Variants in HIVEP2 observed in about 807,000 individuals in gnomAD.
The protein encoded by HIVEP2 is transcription factor HIVEP2.
Under a neutral mutation model 180.7 loss-of-function variants are expected in HIVEP2, and 14 were observed. The observed-to-expected ratio is 0.08, with a 90% CI of 0.05 to 0.12. The LOEUF (loss-of-function observed/expected upper bound fraction) is 0.12, where lower values mean the gene tolerates loss of function less well. Ranked by LOEUF, HIVEP2 falls within the 10% of genes least tolerant of loss-of-function variation. HIVEP2 has a pLI of 1.00. For missense variants in HIVEP2, 2,579 were observed against 3,008.5 expected, an observed-to-expected ratio of 0.86 and a Z score of 3.34; for synonymous variants, 1,184 against 1,136.4, an observed-to-expected ratio of 1.04 and a Z score of -0.84.
intron 1 of HIVEP2, among the ~76,000 whole-genome samples, chr6:142,944,435 ACACACACACACG>A (rs2128442486): frequency 7.0e-6 from 1 of 143,152 alleles, no homozygotes; most frequent in East Asian, 2.2e-4. Flanking sequence ...ACCCACACAC[ACACACACACACG>A]CACACACCCA....
chr6:142,873,291 A>T (rs1047598029), intron 1 of HIVEP2, among the ~76,000 whole-genome samples: 23 of 152,192 alleles, frequency 1.5e-4, no homozygotes, highest in Middle Eastern at 3.2e-3. Flanking sequence ...TCCAAACAAG[A>T]CATTTAAAGA....
At chr6:142,797,090 G>A (rs1582868320) in intron 2 of HIVEP2, among the ~76,000 whole-genome samples, 1 of 152,030 alleles carries the variant, frequency 6.6e-6, no homozygotes, top group East Asian at 1.9e-4. Context: ...TTTCATGGTA[G>A]TAAATGACAA....
chr6:142,827,601 G>A (rs1774946804), intron 2 of HIVEP2, among the ~76,000 whole-genome samples: 1 of 152,222 alleles, frequency 6.6e-6, no homozygotes, highest in South Asian at 2.1e-4. Flanking sequence ...GCCAAGGAGA[G>A]CCCGAGGACT....
At chr6:142,804,688 A>G (rs981165557) in intron 2 of HIVEP2, among the ~76,000 whole-genome samples, 8 of 152,182 alleles carry the variant, frequency 5.3e-5, no homozygotes, top group African/African-American at 1.9e-4. Context: ...TCTCTGACAC[A>G]TGTTGGGGTG....
chr6:142,784,212 A>C, intron 2 of HIVEP2, among the ~76,000 whole-genome samples: 1 of 152,224 alleles, frequency 6.6e-6, no homozygotes, highest in Admixed American at 6.5e-5. Flanking sequence ...ATCTGAATAG[A>C]TTAATCAACA....
chr6:142,796,964 AAT>A (rs1562523138), intron 2 of HIVEP2, among the ~76,000 whole-genome samples: 1 of 152,178 alleles, frequency 6.6e-6, no homozygotes, highest in Admixed American at 6.6e-5. Flanking sequence ...ATGCAGATTT[AAT>A]ACTGCATCTT....
intron 1 of HIVEP2, among the ~76,000 whole-genome samples, chr6:142,884,251 T>C (rs369331312): frequency 3.9e-5 from 6 of 152,190 alleles, no homozygotes; most frequent in Admixed American, 1.3e-4. Flanking sequence ...AGAAATTAAT[T>C]ACAGTGACAA....
At position 142,775,084 on chromosome 6, in the gene HIVEP2, T is replaced by C; in HGVS notation, c.-346A>G. 9.7e-7 allele frequency: 1 copy of C among 1,028,118 alleles called. No individual in the cohort carries two copies. The highest frequency in any genetic ancestry group is 1.2e-6 in the Non-Finnish European group (1 of 858,138). 63.7% of individuals were successfully genotyped at this position (1,028,118 alleles called of 1,614,324 possible). ...TCTAGGAGAAATTTTGCCCATCAAC[T>C]AGAGCAAAGTTCAATTGCCAGTTTC... is the stretch of plus-strand genomic sequence containing the variant. On this transcript the variant is annotated 5_prime_UTR_variant, in exon 5 of 10. Coordinates refer to ENST00000367603, the MANE Select transcript of HIVEP2 (RefSeq NM_006734.4).
chr6:142,793,656 CT>C (rs1554279275), intron 2 of HIVEP2, among the ~76,000 whole-genome samples: 6 of 77,350 alleles, frequency 7.8e-5, no homozygotes, highest in African/African-American at 2.2e-4. Flanking sequence ...TTCTTTCTTT[CT>C]TTTTTCTTTC....
chr6:142,780,900 A>C (rs1024324256), intron 3 of HIVEP2, among the ~76,000 whole-genome samples: 2 of 152,212 alleles, frequency 1.3e-5, no homozygotes, highest in African/African-American at 4.8e-5. Context: ...AATGGCATAA[A>C]TTCTTGAGCT....
intron 2 of HIVEP2, among the ~76,000 whole-genome samples, chr6:142,817,243 T>C (rs753629880): frequency 6.6e-6 from 1 of 152,220 alleles, no homozygotes; most frequent in Non-Finnish European, 1.5e-5. Context: ...CTGAAAGCTC[T>C]GGCTAAAATA....
chr6:142,825,178 C>G (rs1199512862), intron 2 of HIVEP2, among the ~76,000 whole-genome samples: 4 of 152,142 alleles, frequency 2.6e-5, no homozygotes, highest in African/African-American at 9.7e-5. Context: ...CTGACTCCCA[C>G]AGTAATCCAT....
Position 142,809,887 on chromosome 6 carries a change from C to T in HIVEP2, c.-527-26272G>A, listed in dbSNP as rs142716128. Among the ~76,000 whole-genome samples the T allele has an allele frequency of 1.3e-3, 195 of 152,276 alleles. 1 individual carries two copies. The highest frequency in any genetic ancestry group is 4.2e-3 in the African/African-American group (175 of 41,532). ...GAGATTACAGGCATGAGCCACTGTGCCCGGCCCAATATTCTAATTTTTAAA... is the reference window on the plus strand; with the variant it reads ...GAGATTACAGGCATGAGCCACTGTGTCCGGCCCAATATTCTAATTTTTAAA... On this transcript the variant is annotated intron_variant, in intron 2 of 9. Transcript: ENST00000367603.
At chr6:142,834,193 A>C (rs989623813) in intron 2 of HIVEP2, among the ~76,000 whole-genome samples, 4 of 152,212 alleles carry the variant, frequency 2.6e-5, no homozygotes, top group Non-Finnish European at 5.9e-5. Flanking sequence ...GGTATAAGTA[A>C]TAATAAGAAA....
chr6:142,789,997 T>C (rs1384188719), intron 2 of HIVEP2, among the ~76,000 whole-genome samples: 1 of 152,192 alleles, frequency 6.6e-6, no homozygotes, highest in Non-Finnish European at 1.5e-5. Context: ...CATTATTTAG[T>C]ATCCAAAGCA....
At chr6:142,889,802 C>T (rs1582944196) in intron 1 of HIVEP2, among the ~76,000 whole-genome samples, 1 of 152,234 alleles carries the variant, frequency 6.6e-6, no homozygotes, top group East Asian at 1.9e-4. Flanking sequence ...TATTTTGGTG[C>T]TGTCCACTAG....
chr6:142,762,704 G>C (rs1300411216), intron 7 of HIVEP2, among the ~76,000 whole-genome samples: 1 of 152,138 alleles, frequency 6.6e-6, no homozygotes, highest in Non-Finnish European at 1.5e-5. Flanking sequence ...TATTCCTCTG[G>C]TAGGGGTGTT....
At chr6:142,852,149 TA>T (rs1019020574) in intron 1 of HIVEP2, among the ~76,000 whole-genome samples, 1 of 152,220 alleles carries the variant, frequency 6.6e-6, no homozygotes, top group African/African-American at 2.4e-5. Context: ...TTTCTATCTT[TA>T]AAAAGTATAG....
At chr6:142,861,143 G>A (rs547704381) in intron 1 of HIVEP2, among the ~76,000 whole-genome samples, 2 of 152,132 alleles carry the variant, frequency 1.3e-5, no homozygotes, top group African/African-American at 2.4e-5. Flanking sequence ...ATATTCAAAT[G>A]CTGAGGCTCA....
Sources: gnomAD v4.1 joint callset for allele counts (sites outside exome capture counted in the v4.1 genomes callset) on GRCh38, gnomAD v4.1.1 for gene constraint, MANE v1.5 for transcripts, NCBI Gene and HGNC (gene_info 2026-07-23, HGNC 2026-07-21) for gene names.